TPST1: variants seen among roughly 807,000 people sequenced by gnomAD.
TPST1 encodes the protein tyrosylprotein sulfotransferase 1, also known as protein-tyrosine sulfotransferase 1.
Under a neutral mutation model 34.8 loss-of-function variants are expected in TPST1, and 20 were observed. The observed-to-expected ratio is 0.57, with a 90% CI of 0.40 to 0.84. The LOEUF is 0.84. TPST1 is among the 40% of genes least tolerant of loss of function. The probability of loss-of-function intolerance (pLI) is 0.00; values close to 1 mark genes in which losing one functional copy is unlikely to be tolerated. For missense variants in TPST1, 353 were observed against 455.5 expected, an observed-to-expected ratio of 0.78 and a Z score of 2.05; for synonymous variants, 152 against 159.4, an observed-to-expected ratio of 0.95 and a Z score of 0.35.
chr7:66,202,971 G>A (rs1322626708), upstream of TPST1, among the ~76,000 whole-genome samples: 1 of 152,164 alleles, frequency 6.6e-6, no homozygotes, highest in Non-Finnish European at 1.5e-5. Flanking sequence ...AGCTACTGGG[G>A]AGGCTGAGGC....
chr7:66,351,217 C>T (rs1792471644), intron 3 of TPST1, among the ~76,000 whole-genome samples: 1 of 152,176 alleles, frequency 6.6e-6, no homozygotes, highest in South Asian at 2.1e-4. Context: ...TGGAATCTGG[C>T]TCCCCACCTC....
chr7:66,300,242 C>G (rs541375574), intron 3 of TPST1, among the ~76,000 whole-genome samples: 19 of 152,274 alleles, frequency 1.2e-4, no homozygotes, highest in Non-Finnish European at 2.1e-4. Flanking sequence ...CCTTTGCTGT[C>G]TTTTCAACAA....
At chr7:66,259,657 GA>G (rs1262460309) in intron 2 of TPST1, among the ~76,000 whole-genome samples, 7 of 151,952 alleles carry the variant, frequency 4.6e-5, no homozygotes, top group Admixed American at 2.6e-4. Flanking sequence ...AGAAAGTGTA[GA>G]GAGTTCCCAT....
chr7:66,307,629 C>A (rs1339454476), intron 3 of TPST1, among the ~76,000 whole-genome samples: 1 of 152,158 alleles, frequency 6.6e-6, no homozygotes, highest in Non-Finnish European at 1.5e-5. Flanking sequence ...GCTGCCCAGA[C>A]CCCCTGGGAG....
rs1584267447 is a variant in TPST1 at position 66,360,108 on chromosome 7, C to T, written c.*243C>T. 1 of 361,784 alleles carries T rather than the reference C, an allele frequency of 2.8e-6. No individual in the cohort carries two copies. Among genetic ancestry groups the T allele is most frequent in the Non-Finnish European group, 5.5e-6 (1 of 180,198 alleles). The allele number at this position is 361,784 out of a possible 1,614,324, so 22.4% of individuals were successfully genotyped here. A position where few individuals can be genotyped will look rare whatever the true frequency, so the allele number is the denominator to read the frequency against. ...GATCCCGATTTCATGCACAGCCCTGCAGTAAGGAGCCCAGAAGGAACATGT... is the reference window on the plus strand; with the variant it reads ...GATCCCGATTTCATGCACAGCCCTGTAGTAAGGAGCCCAGAAGGAACATGT... On this transcript the variant is annotated 3_prime_UTR_variant, in exon 6 of 6. Coordinates refer to ENST00000304842, the MANE Select transcript of TPST1 (RefSeq NM_003596.4).
intron 5 of TPST1, chr7:66,359,243 TG>T (rs1262984495): frequency 6.8e-6 from 1 of 146,128 alleles, no homozygotes; most frequent in Non-Finnish European, 1.5e-5. Flanking sequence ...TCTTGACCCC[TG>T]GACACTTAAC....
At chr7:66,340,856 GA>G (rs1001774389) in intron 3 of TPST1, among the ~76,000 whole-genome samples, 1 of 151,912 alleles carries the variant, frequency 6.6e-6, no homozygotes, top group Non-Finnish European at 1.5e-5. Flanking sequence ...ACTAAAAATA[GA>G]AAAATTAGCC....
At chr7:66,235,933 C>T (rs1789903537) in intron 1 of TPST1, among the ~76,000 whole-genome samples, 1 of 152,048 alleles carries the variant, frequency 6.6e-6, no homozygotes, top group African/African-American at 2.4e-5. Flanking sequence ...ATTAGCCTTT[C>T]CAAAGGAGGC....
Position 66,332,303 on chromosome 7 carries a change from G to A in TPST1, c.1045-20202G>A, listed in dbSNP as rs1441940917. 6.8e-6 allele frequency among the ~76,000 whole-genome samples: 1 copy of A among 147,840 alleles called. No homozygotes were observed. Among genetic ancestry groups the A allele is most frequent in the African/African-American group, 2.5e-5 (1 of 40,090 alleles). On this transcript the variant is annotated intron_variant, in intron 3 of 5. Transcript: ENST00000304842. This position sits in a 1 kb window ranked among gnomAD's most constrained non-coding sequence, Gnocchi z 4.5. ...TTTTTTTGAGATGAGAGTCTCGTTTGTGTTGCTCAGGCTGGAGTGCAAGGC... is the reference window on the plus strand; with the variant it reads ...TTTTTTTGAGATGAGAGTCTCGTTTATGTTGCTCAGGCTGGAGTGCAAGGC...
At chr7:66,202,170 A>T (rs1206344315), upstream of TPST1, among the ~76,000 whole-genome samples, 1 of 152,046 alleles carries the variant, frequency 6.6e-6, no homozygotes, top group Non-Finnish European at 1.5e-5. Flanking sequence ...CATATACTAT[A>T]TGTGTTGGGG....
chr7:66,332,349 C>T lies in TPST1; in HGVS notation c.1045-20156C>T, dbSNP rs898428500. The stretch of plus-strand genomic sequence containing the variant: ...AAGGCACAATCTCAGCTCACTGCAA[C>T]GTCCGTCTCCTGAGTTCAAGCGATT... On this transcript the variant is annotated intron_variant, in intron 3 of 5. Coordinates refer to ENST00000304842, the MANE Select transcript of TPST1 (RefSeq NM_003596.4). This position sits in a 1 kb window ranked among gnomAD's most constrained non-coding sequence, Gnocchi z 4.5. Among the ~76,000 whole-genome samples the T allele has an allele frequency of 2.0e-5, 3 of 151,746 alleles. No individual in the cohort carries two copies. Among genetic ancestry groups the T allele is most frequent in the East Asian group, 3.9e-4 (2 of 5,150 alleles).
chr7:66,240,835 C>T lies in TPST1; in HGVS notation c.410C>T (p.Ala137Val). 6.2e-7 allele frequency: 1 copy of T among 1,614,168 alleles called. No individual in the cohort carries two copies. The highest frequency in any genetic ancestry group is 8.5e-7 in the Non-Finnish European group (1 of 1,180,030). The change falls in exon 2 of 6, where the codon GCC becomes GTC. Residue 137 changes from alanine to valine, a missense_variant. Transcript: ENST00000304842. ...AGVTDEVLDSAMQAFLLEIIV... is the reference protein window; with the variant it reads ...AGVTDEVLDSVMQAFLLEIIV... ...GTTACTGATGAAGTGCTGGATTCTG[C>T]CATGCAAGCCTTCTTACTAGAAATT...
At chr7:66,354,096 T>TA (rs1200410102) in intron 4 of TPST1, among the ~76,000 whole-genome samples, 2 of 152,112 alleles carry the variant, frequency 1.3e-5, no homozygotes, top group African/African-American at 2.4e-5. Context: ...GGAATTAGAG[T>TA]AAGTCCTCAG....
At chr7:66,308,170 TAA>T (rs1283851108) in intron 3 of TPST1, among the ~76,000 whole-genome samples, 1 of 152,142 alleles carries the variant, frequency 6.6e-6, no homozygotes, top group Non-Finnish European at 1.5e-5. Context: ...TAGCCAGTGG[TAA>T]AGTGTTCAGT....
At chr7:66,320,438 G>A (rs369972741) in intron 3 of TPST1, among the ~76,000 whole-genome samples, 26 of 151,162 alleles carry the variant, frequency 1.7e-4, no homozygotes, top group South Asian at 4.2e-4. Context: ...TAGTAGAGGC[G>A]GGGTTTCACC....
chr7:66,276,000 TA>T (rs553570002), intron 2 of TPST1, among the ~76,000 whole-genome samples: 5,144 of 147,062 alleles, frequency 0.035, 112 homozygotes, highest in Non-Finnish European at 0.047. Context: ...AAACTTAATT[TA>T]AAAAAAAAAA....
intron 2 of TPST1, among the ~76,000 whole-genome samples, chr7:66,248,293 TTG>T: frequency 6.6e-6 from 1 of 152,260 alleles, no homozygotes; most frequent in Non-Finnish European, 1.5e-5. Context: ...GTTCGGAACC[TTG>T]GTAGATGATG....
intron 1 of TPST1, among the ~76,000 whole-genome samples, chr7:66,227,919 T>A (rs2116327177): frequency 6.6e-6 from 1 of 152,262 alleles, no homozygotes; most frequent in South Asian, 2.1e-4. Context: ...TAGTAATATA[T>A]CACAGTAATG....
At chr7:66,277,097 G>A (rs1324590889) in intron 2 of TPST1, among the ~76,000 whole-genome samples, 3 of 151,892 alleles carry the variant, frequency 2.0e-5, no homozygotes, top group Non-Finnish European at 4.4e-5. Context: ...TCTTTCCTTT[G>A]TCTCTGTCAC....
Sources: gnomAD v4.1 joint callset for allele counts (sites outside exome capture counted in the v4.1 genomes callset) on GRCh38, gnomAD v4.1.1 for gene constraint, Gnocchi (gnomAD v3.1) non-coding constraint, MANE v1.5 for transcripts, NCBI Gene and HGNC (gene_info 2026-07-23, HGNC 2026-07-21) for gene names.